PAX2: variants seen among roughly 807,000 people sequenced by gnomAD.
The protein encoded by PAX2 is paired box protein Pax-2.
A neutral mutation model predicts 41.7 loss-of-function variants in PAX2; 9 were observed. The observed-to-expected ratio is 0.22, with a 90% confidence interval of 0.13 to 0.38. The LOEUF is 0.38. Ranked by LOEUF, PAX2 falls within the 10% of genes least tolerant of loss-of-function variation. The pLI, the probability that PAX2 is intolerant of heterozygous loss-of-function variation, is 1.00. For missense variants in PAX2, 418 were observed against 531.6 expected, an observed-to-expected ratio of 0.79 and a Z score of 2.10; for synonymous variants, 221 against 212.7, an observed-to-expected ratio of 1.04 and a Z score of -0.34.
rs11817070 is a variant in PAX2 at position 100,750,537 on chromosome 10, G to A, written c.213-157G>A. 0.11 allele frequency among the ~76,000 whole-genome samples: 16,903 copies of A among 152,230 alleles called. 2,878 individuals carry two copies. Among genetic ancestry groups the A allele is most frequent in the African/African-American group, 0.37 (15,189 of 41,496 alleles). On this transcript the variant is annotated intron_variant, in intron 2 of 9. Coordinates refer to ENST00000355243, the MANE Select transcript of PAX2 (RefSeq NM_000278.5). This position sits in a 1 kb window ranked among gnomAD's most constrained non-coding sequence, Gnocchi z 4.1. ...TACTCCGCGGCGCTCCTCCTAGCCA[G>A]GCACCCTCAGGAAGTCAGCTCAGCC...
intron 3 of PAX2, among the ~76,000 whole-genome samples, chr10:100,765,404 C>T (rs1056505850): frequency 2.0e-5 from 3 of 152,196 alleles, no homozygotes; most frequent in Non-Finnish European, 4.4e-5. Context: ...GTAAGACCCA[C>T]ACCCAAATAC....
rs1460913450 is a variant in PAX2, at chr10:100,826,847, C to G, written c.1022-162C>G. On this transcript the variant is annotated intron_variant, in intron 8 of 9. Coordinates refer to ENST00000355243, the MANE Select transcript of PAX2 (RefSeq NM_000278.5). This position sits in a 1 kb window ranked among gnomAD's most constrained non-coding sequence, Gnocchi z 5.5. The stretch of plus-strand genomic sequence containing the variant: ...GCTCTCTCCACGCGGACGCGGTGAT[C>G]GCCCCACCTCCGCCCGGCCCGCCCG... Among the ~76,000 whole-genome samples, 1 of 152,160 alleles carries G rather than the reference C, an allele frequency of 6.6e-6. No individual in the cohort carries two copies. The highest frequency in any genetic ancestry group is 2.4e-5 in the African/African-American group (1 of 41,452).
At chr10:100,735,582 G>A (rs1844759628) in exon 1 of PAX2, 1 of 746,770 alleles carries the variant, frequency 1.3e-6, no homozygotes, top group African/African-American at 1.8e-5. Flanking sequence ...TGAGCCGCTT[G>A]GTGTTGGGTG....
intron 7 of PAX2, 45 bp downstream of exon 7, chr10:100,809,281 G>C (rs1485741410): frequency 6.3e-7 from 1 of 1,594,072 alleles, no homozygotes. Context: ...TTCAGTGGAG[G>C]GTGCCTCAGC....
chr10:100,816,648 G>A (rs989844463), intron 7 of PAX2, among the ~76,000 whole-genome samples: 1 of 152,124 alleles, frequency 6.6e-6, no homozygotes, highest in Non-Finnish European at 1.5e-5. Context: ...TTTTCCCAGG[G>A]TAGCCAGAAT....
chr10:100,800,283 T>C lies in PAX2; in HGVS notation c.617-6147T>C, dbSNP rs1252540557. Among the ~76,000 whole-genome samples the C allele has an allele frequency of 6.6e-3, 943 of 142,210 alleles. 17 individuals carry two copies. The highest frequency in any genetic ancestry group is 0.022 in the African/African-American group (830 of 37,630). 93.3% of individuals were successfully genotyped at this position (142,210 alleles called of 152,430 possible). A position where few individuals can be genotyped will look rare whatever the true frequency, so the allele number is the denominator to read the frequency against. ...TCTTTTCTTTTCTTTCTTTTTTTTT[T>C]TTTTTTTTTTTTTTGAGACAGGGTC... On this transcript the variant is annotated intron_variant, in intron 5 of 9. Transcript: ENST00000355243.
At chr10:100,790,157 C>T (rs1352736096) in intron 5 of PAX2, among the ~76,000 whole-genome samples, 6 of 152,092 alleles carry the variant, frequency 3.9e-5, no homozygotes, top group African/African-American at 1.4e-4. Context: ...GGATTTAGCA[C>T]AAAAGAGTAT....
intron 6 of PAX2, 101 bp from the exon 7 acceptor site, chr10:100,809,009 C>G: frequency 9.1e-7 from 1 of 1,093,442 alleles, no homozygotes; most frequent in Non-Finnish European, 1.4e-6. Context: ...CTTTCTACCC[C>G]ATCTGGGCGG....
At chr10:100,819,394 C>A (rs1240666740) in intron 7 of PAX2, among the ~76,000 whole-genome samples, 1 of 151,952 alleles carries the variant, frequency 6.6e-6, no homozygotes, top group Non-Finnish European at 1.5e-5. Context: ...CATAGTGAAA[C>A]CCCGTCTCTA....
intron 3 of PAX2, among the ~76,000 whole-genome samples, chr10:100,765,558 T>A (rs1243000440): frequency 1.3e-5 from 2 of 152,236 alleles, no homozygotes; most frequent in Non-Finnish European, 2.9e-5. Context: ...TGAGCAAAAT[T>A]AGAATCCTGA....
intron 5 of PAX2, among the ~76,000 whole-genome samples, chr10:100,800,084 C>T (rs1212435503): frequency 6.6e-6 from 1 of 151,958 alleles, no homozygotes; most frequent in Non-Finnish European, 1.5e-5. Flanking sequence ...CCGCGCCCGG[C>T]CAAAGTTAGT....
At chr10:100,779,335 A>G (rs537585690) in intron 3 of PAX2, among the ~76,000 whole-genome samples, 163 bp from the exon 4 acceptor site, 1 of 152,294 alleles carries the variant, frequency 6.6e-6, no homozygotes, top group Admixed American at 6.5e-5. Flanking sequence ...CAGAAGGAAA[A>G]CCCTGTGCCT....
intron 5 of PAX2, chr10:100,787,059 T>G (rs1846898246): frequency 5.3e-6 from 6 of 1,124,284 alleles, no homozygotes; most frequent in Non-Finnish European, 7.5e-6. Context: ...GGAAATAGCT[T>G]GGGGGTGGCG....
upstream of PAX2, among the ~76,000 whole-genome samples, chr10:100,743,808 A>G (rs1260632889): frequency 6.6e-6 from 1 of 152,244 alleles, no homozygotes; most frequent in Non-Finnish European, 1.5e-5. Context: ...CTTAGAGGCT[A>G]GGCCCTGCGT....
chr10:100,782,871 T>A (rs748178703), intron 5 of PAX2, among the ~76,000 whole-genome samples: 15 of 152,252 alleles, frequency 9.9e-5, no homozygotes, highest in Non-Finnish European at 2.1e-4. Flanking sequence ...GCACCCCAAG[T>A]GCTTTGGTAG....
chr10:100,745,518 G>T (rs917484820), upstream of PAX2, among the ~76,000 whole-genome samples: 1 of 151,980 alleles, frequency 6.6e-6, no homozygotes, highest in Non-Finnish European at 1.5e-5. Flanking sequence ...GCGCGGGGAG[G>T]GGGAGGAGGT....
chr10:100,781,561 T>G (rs1175274407), intron 5 of PAX2, among the ~76,000 whole-genome samples, 196 bp downstream of exon 5: 1 of 152,188 alleles, frequency 6.6e-6, no homozygotes, highest in Non-Finnish European at 1.5e-5. Flanking sequence ...CTTCACCATC[T>G]GCTCAGCAGC....
chr10:100,795,072 G>C (rs1326130340), intron 5 of PAX2, among the ~76,000 whole-genome samples: 1 of 152,194 alleles, frequency 6.6e-6, no homozygotes, highest in Non-Finnish European at 1.5e-5. Context: ...TGCTGTAAGT[G>C]AATGAATGCT....
intron 3 of PAX2, among the ~76,000 whole-genome samples, chr10:100,768,626 A>G (rs896341076): frequency 9.9e-5 from 15 of 152,242 alleles, no homozygotes; most frequent in African/African-American, 3.6e-4. Flanking sequence ...GAAAAGGCTG[A>G]AGGAAAAATT....
Sources: allele counts gnomAD v4.1 joint callset (sites outside exome capture counted in the v4.1 genomes callset), GRCh38; gene constraint gnomAD v4.1.1; non-coding constraint Gnocchi (gnomAD v3.1); transcripts MANE v1.5; gene names NCBI Gene and HGNC (gene_info 2026-07-23, HGNC 2026-07-21).